GRM7: variants seen among roughly 807,000 people sequenced by gnomAD.
GRM7 encodes the protein metabotropic glutamate receptor 7.
Under a neutral mutation model 84.5 loss-of-function variants are expected in GRM7, and 35 were observed. The observed-to-expected ratio is 0.41, with a 90% CI of 0.32 to 0.55. GRM7 has a LOEUF of 0.55. GRM7 is among the 20% of genes least tolerant of loss of function. The pLI is 0.19. For missense variants in GRM7, 1,003 were observed against 1,194.6 expected, an observed-to-expected ratio of 0.84 and a Z score of 2.36; for synonymous variants, 487 against 455.1, an observed-to-expected ratio of 1.07 and a Z score of -0.89.
intron 8 of GRM7, among the ~76,000 whole-genome samples, chr3:7,613,469 T>C (rs1409867576): frequency 1.3e-5 from 2 of 152,128 alleles, no homozygotes; most frequent in African/African-American, 4.8e-5. Context: ...GCATTATTCA[T>C]CCCTGACGCT....
chr3:7,150,705 A>G (rs966433745), intron 2 of GRM7, among the ~76,000 whole-genome samples: 8 of 152,216 alleles, frequency 5.3e-5, no homozygotes, highest in African/African-American at 1.9e-4. Flanking sequence ...TATTGCAGGG[A>G]AGGAAAGAAA....
intron 2 of GRM7, among the ~76,000 whole-genome samples, chr3:7,206,247 C>G (rs1349725018): frequency 6.6e-6 from 1 of 152,154 alleles, no homozygotes; most frequent in Non-Finnish European, 1.5e-5. Flanking sequence ...TTTAAATCTG[C>G]TAATTCTGCA....
rs149226230 is a variant in GRM7, at chr3:7,482,453, A to T, written c.1515+20731A>T. ...TGTCCCATTAAGGTACCAGTAATTT[A>T]ACTCTGGTGGACCTAGGGAGGTACA... On this transcript the variant is annotated intron_variant, in intron 7 of 9. Coordinates refer to ENST00000357716, the MANE Select transcript of GRM7 (RefSeq NM_000844.4). Among the ~76,000 whole-genome samples, 181 of 152,342 alleles carry T rather than the reference A, an allele frequency of 1.2e-3. 3 individuals are homozygous for T. In the East Asian group the frequency reaches 0.033, roughly 28 times the overall value.
At chr3:7,292,460 T>A (rs1462734863) in intron 2 of GRM7, among the ~76,000 whole-genome samples, 1 of 152,050 alleles carries the variant, frequency 6.6e-6, no homozygotes, top group Non-Finnish European at 1.5e-5. Context: ...CAAGTTGTGA[T>A]TTGGGGTGAG....
chr3:6,934,130 A>G (rs746690932), intron 1 of GRM7, among the ~76,000 whole-genome samples: 44 of 152,140 alleles, frequency 2.9e-4, no homozygotes, highest in African/African-American at 5.6e-4. Flanking sequence ...GGTAGAATTG[A>G]CCACTATGTC....
chr3:7,198,856 A>T (rs995501013), intron 2 of GRM7, among the ~76,000 whole-genome samples: 1 of 152,190 alleles, frequency 6.6e-6, no homozygotes, highest in African/African-American at 2.4e-5. Flanking sequence ...TGTTACGTTT[A>T]ACTCAAAAAG....
chr3:7,237,725 C>T (rs113346012), intron 2 of GRM7, among the ~76,000 whole-genome samples: 4,085 of 152,170 alleles, frequency 0.027, 178 homozygotes, highest in African/African-American at 0.094. Context: ...GCTTCCACAG[C>T]GTGGAAGTGG....
chr3:7,316,638 G>A (rs1559230280), intron 4 of GRM7, among the ~76,000 whole-genome samples: 1 of 152,136 alleles, frequency 6.6e-6, no homozygotes, highest in Admixed American at 6.6e-5. Flanking sequence ...CAGCTGAGAT[G>A]GAGAATACTA....
intron 4 of GRM7, among the ~76,000 whole-genome samples, chr3:7,332,219 C>T (rs1701235957): frequency 6.6e-6 from 1 of 152,192 alleles, no homozygotes; most frequent in Admixed American, 6.5e-5. Flanking sequence ...TTGGAACTTA[C>T]ATAACTAATT....
At chr3:7,066,221 G>A (rs11923565) in intron 1 of GRM7, among the ~76,000 whole-genome samples, 18,604 of 151,602 alleles carry the variant, frequency 0.12, 1,690 homozygotes, top group African/African-American at 0.26. Context: ...AATTTACAAA[G>A]GATAAATGAA....
chr3:7,578,928 G>A lies in GRM7; in HGVS notation c.2022G>A (p.Leu674=), dbSNP rs1695098563. The part of the protein sequence containing the change: ...LGMCISYAAL[L]TKTNRIYRIF... ...TGTGCATCAGTTATGCAGCCCTCTT[G>A]ACGAAAACAAATCGGATTTATCGCA... is the stretch of plus-strand genomic sequence containing the variant. Residue 674 remains leucine (L), a synonymous_variant, in exon 8 of 10, where the codon TTG becomes TTA. Coordinates refer to ENST00000357716, the MANE Select transcript of GRM7 (RefSeq NM_000844.4). 6.2e-7 allele frequency: 1 copy of A among 1,613,994 alleles called. No individual in the cohort carries two copies.
At chr3:7,717,446 CAG>C (rs955624499) in intron 9 of GRM7, among the ~76,000 whole-genome samples, 30 of 152,118 alleles carry the variant, frequency 2.0e-4, no homozygotes, top group African/African-American at 6.8e-4. Flanking sequence ...CACCAGAAAA[CAG>C]AGTCAGCCAT....
chr3:7,314,827 T>C (rs965083901), intron 4 of GRM7, among the ~76,000 whole-genome samples: 2 of 152,154 alleles, frequency 1.3e-5, no homozygotes, highest in African/African-American at 4.8e-5. Context: ...TATTTATTTG[T>C]ATTTTTTAAA....
chr3:7,614,310 C>T (rs1696981197), intron 8 of GRM7, among the ~76,000 whole-genome samples: 2 of 152,020 alleles, frequency 1.3e-5, no homozygotes, highest in African/African-American at 4.8e-5. Context: ...AAACAGCACC[C>T]AGGTAAATAA....
At chr3:7,148,711 A>G (rs1398125268) in intron 2 of GRM7, among the ~76,000 whole-genome samples, 2 of 152,188 alleles carry the variant, frequency 1.3e-5, no homozygotes, top group African/African-American at 2.4e-5. Flanking sequence ...ATGCTCTTAT[A>G]ATATGATCTG....
At chr3:7,545,884 A>T (rs1408432719) in intron 7 of GRM7, among the ~76,000 whole-genome samples, 1 of 152,050 alleles carries the variant, frequency 6.6e-6, no homozygotes, top group Non-Finnish European at 1.5e-5. Context: ...AACAAACTTA[A>T]CCTTTTGAAA....
chr3:7,453,373 G>A (rs1697860704), intron 6 of GRM7, among the ~76,000 whole-genome samples: 1 of 152,062 alleles, frequency 6.6e-6, no homozygotes, highest in Admixed American at 6.6e-5. Context: ...CTTGCCACTT[G>A]CAATGACAGT....
chr3:7,186,054 A>T (rs917853703), intron 2 of GRM7, among the ~76,000 whole-genome samples: 1 of 152,194 alleles, frequency 6.6e-6, no homozygotes, highest in Non-Finnish European at 1.5e-5. Context: ...CACCATGGGC[A>T]TGTCTGGCTG....
intron 7 of GRM7, among the ~76,000 whole-genome samples, chr3:7,547,606 A>G (rs1463869427): frequency 6.6e-6 from 1 of 152,188 alleles, no homozygotes; most frequent in East Asian, 1.9e-4. Flanking sequence ...CCAACACCTT[A>G]TCAATTAAAT....
Sources: allele counts gnomAD v4.1 joint callset (sites outside exome capture counted in the v4.1 genomes callset), GRCh38; gene constraint gnomAD v4.1.1; transcripts MANE v1.5; gene names NCBI Gene and HGNC (gene_info 2026-07-23, HGNC 2026-07-21).